Variants in SULT2B1 observed in about 807,000 individuals in gnomAD.
SULT2B1 encodes sulfotransferase 2B1.
SULT2B1 carries 16 observed loss-of-function variants against 33.2 expected under a neutral mutation model. That is an observed-to-expected ratio of 0.48 (90% confidence interval 0.33 to 0.73). The LOEUF (loss-of-function observed/expected upper bound fraction) is 0.73. Among genes scored for constraint, SULT2B1 ranks in the 30% least tolerant of loss-of-function variants. SULT2B1 has a pLI of 0.02. For synonymous variants in SULT2B1, 186 were observed against 200.5 expected (o/e 0.93, Z 0.61); for missense variants, 500 against 506.0 (o/e 0.99, Z 0.11).
chr19:48,579,889 G>C (rs1158511453), intron 2 of SULT2B1, among the ~76,000 whole-genome samples: 1 of 151,974 alleles, frequency 6.6e-6, no homozygotes, highest in African/African-American at 2.4e-5. Context: ...TTACAGGCGT[G>C]AGCCACTGCT....
rs367805618 is a variant in SULT2B1 at position 48,599,413 on chromosome 19, C to G, written c.*7C>G. On this transcript the variant is annotated 3_prime_UTR_variant, in exon 7 of 7. Coordinates refer to ENST00000201586, the MANE Select transcript of SULT2B1 (RefSeq NM_177973.2). This position sits in a 1 kb window ranked among gnomAD's most constrained non-coding sequence, Gnocchi z 4.1. Reference sequence around the variant, plus strand: ...GCACCCACGACCCTCATAATAAACACGTCGATTCTGTCCAGGTTCCTTGAT... The same window carrying G: ...GCACCCACGACCCTCATAATAAACAGGTCGATTCTGTCCAGGTTCCTTGAT... The G allele has an allele frequency of 2.0e-5, 31 of 1,549,822 alleles. No homozygotes were observed. Among genetic ancestry groups the G allele is most frequent in the Non-Finnish European group, 2.4e-5 (27 of 1,146,924 alleles).
chr19:48,560,621 A>G (rs1195339347), intron 1 of SULT2B1, among the ~76,000 whole-genome samples: 2 of 152,176 alleles, frequency 1.3e-5, no homozygotes, highest in Non-Finnish European at 2.9e-5. Context: ...TTAATCACAT[A>G]TCTAATCTAT....
intron 2 of SULT2B1, among the ~76,000 whole-genome samples, chr19:48,583,557 C>G (rs1973522330): frequency 6.6e-6 from 1 of 152,244 alleles, no homozygotes; most frequent in Non-Finnish European, 1.5e-5. Flanking sequence ...GTGGCTCATG[C>G]CTGTAATCCC....
chr19:48,558,708 G>T (rs1420275094), intron 1 of SULT2B1, among the ~76,000 whole-genome samples: 1 of 116,268 alleles, frequency 8.6e-6, no homozygotes, highest in East Asian at 2.5e-4. Flanking sequence ...TTTTGAGACA[G>T]AGTTTCACTC....
chr19:48,552,873 C>A lies in SULT2B1; in HGVS notation c.71+550C>A, dbSNP rs2147591595. 6.6e-6 allele frequency among the ~76,000 whole-genome samples: 1 copy of A among 152,260 alleles called. No individual in the cohort carries two copies. Among genetic ancestry groups the A allele is most frequent in the South Asian group, 2.1e-4 (1 of 4,832 alleles). On this transcript the variant is annotated intron_variant, in intron 1 of 6. Transcript: ENST00000201586. The surrounding 1 kb of genome is among the most constrained non-coding windows in gnomAD (Gnocchi z 4.8). ...AGTGGTTAGGGCAGAGCACTGCCCA[C>A]TTCCATGAGCTCAGCGTGACTCCCT...
chr19:48,589,841 T>C (rs553239910), intron 3 of SULT2B1, among the ~76,000 whole-genome samples: 1 of 152,318 alleles, frequency 6.6e-6, no homozygotes, highest in Non-Finnish European at 1.5e-5. Context: ...ACACCTGTAG[T>C]CCCAGCTACT....
intron 2 of SULT2B1, among the ~76,000 whole-genome samples, chr19:48,586,939 C>T (rs1363186853): frequency 6.6e-6 from 1 of 151,824 alleles, no homozygotes; most frequent in Admixed American, 6.6e-5. Flanking sequence ...GGGGAGACCT[C>T]GTCTCTACTA....
intron 1 of SULT2B1, among the ~76,000 whole-genome samples, chr19:48,571,093 C>G (rs1398479908): frequency 6.6e-6 from 1 of 152,104 alleles, no homozygotes; most frequent in Non-Finnish European, 1.5e-5. Flanking sequence ...GAGATCATAG[C>G]TCCCTGTAGC....
intron 2 of SULT2B1, among the ~76,000 whole-genome samples, chr19:48,576,359 C>CTTTTCTTTTCTTTTTTT: frequency 1.0e-5 from 1 of 96,716 alleles, no homozygotes; most frequent in African/African-American, 4.3e-5. Flanking sequence ...CTCTACTTCT[C>CTTTTCTTTTCTTTTTTT]TTTTTTTTTT....
At chr19:48,563,985 G>GGAA (rs1297488119) in intron 1 of SULT2B1, among the ~76,000 whole-genome samples, 9 of 149,708 alleles carry the variant, frequency 6.0e-5, no homozygotes, top group Non-Finnish European at 8.9e-5. Context: ...CAAAAGAAGA[G>GGAA]GAAGAAGAAG....
intron 1 of SULT2B1, among the ~76,000 whole-genome samples, chr19:48,555,468 A>G (rs1351419264): frequency 6.6e-6 from 1 of 151,808 alleles, no homozygotes; most frequent in Non-Finnish European, 1.5e-5. Context: ...GGCTCCTTCC[A>G]TAGGGATCCC....
At chr19:48,554,261 C>T (rs545172557) in intron 1 of SULT2B1, among the ~76,000 whole-genome samples, 12 of 151,368 alleles carry the variant, frequency 7.9e-5, no homozygotes, top group South Asian at 2.1e-4. Flanking sequence ...CCACTTCCTT[C>T]GGGATGTGCC....
chr19:48,591,783 A>G, intron 4 of SULT2B1, 48 bp downstream of exon 4: 1 of 1,520,512 alleles, frequency 6.6e-7, no homozygotes, highest in Non-Finnish European at 8.8e-7. Context: ...GGAGCCCCAG[A>G]GGACCCTGAT....
At chr19:48,590,596 C>T (rs1973631350) in intron 3 of SULT2B1, among the ~76,000 whole-genome samples, 1 of 151,872 alleles carries the variant, frequency 6.6e-6, no homozygotes, top group Admixed American at 6.6e-5. Flanking sequence ...AGCGAGACTT[C>T]GTCTAAAACA....
intron 3 of SULT2B1, among the ~76,000 whole-genome samples, chr19:48,589,019 A>G (rs1973606600): frequency 6.6e-6 from 1 of 152,218 alleles, no homozygotes; most frequent in Non-Finnish European, 1.5e-5. Context: ...CGCGGCAGGG[A>G]TCGCAGCAGA....
intron 1 of SULT2B1, among the ~76,000 whole-genome samples, chr19:48,564,666 A>T (rs983540895): frequency 1.3e-5 from 2 of 151,250 alleles, no homozygotes; most frequent in Admixed American, 6.6e-5. Context: ...GGGGTTTTTT[A>T]AATTTTTAAA....
intron 1 of SULT2B1, among the ~76,000 whole-genome samples, chr19:48,561,312 C>T (rs1471639040): frequency 6.6e-6 from 1 of 151,848 alleles, no homozygotes; most frequent in African/African-American, 2.4e-5. Context: ...CCTGTAATCC[C>T]AGCTACTCTG....
At chr19:48,579,605 C>CTTTCT (rs71179013) in intron 2 of SULT2B1, among the ~76,000 whole-genome samples, 72 of 79,776 alleles carry the variant, frequency 9.0e-4, no homozygotes, top group Admixed American at 1.4e-3. Flanking sequence ...TTCTTTCTTT[C>CTTTCT]TTTTTTTTTT....
intron 2 of SULT2B1, among the ~76,000 whole-genome samples, chr19:48,583,399 T>C (rs1973519892): frequency 6.6e-6 from 1 of 152,222 alleles, no homozygotes; most frequent in Admixed American, 6.6e-5. Flanking sequence ...TGTACACCAA[T>C]GTTCATAGCC....
Sources: allele counts gnomAD v4.1 joint callset (sites outside exome capture counted in the v4.1 genomes callset), GRCh38; gene constraint gnomAD v4.1.1; non-coding constraint Gnocchi (gnomAD v3.1); transcripts MANE v1.5; gene names NCBI Gene and HGNC (gene_info 2026-07-23, HGNC 2026-07-21).